Variants in GPHN observed in about 807,000 individuals in gnomAD.
GPHN encodes the protein gephyrin.
In GPHN, 17 loss-of-function variants were observed where a neutral mutation model predicts 95.5. The observed-to-expected ratio is 0.18, with a 90% CI of 0.12 to 0.27. The LOEUF (loss-of-function observed/expected upper bound fraction) is 0.27. Ranked by LOEUF, GPHN falls within the 10% of genes least tolerant of loss-of-function variation. The pLI, the probability that GPHN is intolerant of heterozygous loss-of-function variation, is 1.00. For synonymous variants in GPHN, 320 were observed against 322.5 expected (o/e 0.99, Z 0.08); for missense variants, 660 against 978.1 (o/e 0.67, Z 4.34).
chr14:66,763,214 T>G (rs1426052724), intron 2 of GPHN, among the ~76,000 whole-genome samples: 2 of 110,944 alleles, frequency 1.8e-5, no homozygotes, highest in Non-Finnish European at 3.3e-5. Context: ...AACTATTTTT[T>G]TTTTAATCTT....
At chr14:67,266,001 G>T in the GPHN span, among the ~76,000 whole-genome samples, 3 of 152,082 alleles carry the variant, frequency 2.0e-5, no homozygotes, top group African/African-American at 2.4e-5. Flanking sequence ...TAGAGACAAG[G>T]TCTCACTGTG....
chr14:66,752,289 T>G (rs1284894347), intron 2 of GPHN, among the ~76,000 whole-genome samples: 2 of 152,164 alleles, frequency 1.3e-5, no homozygotes, highest in African/African-American at 4.8e-5. Flanking sequence ...TCAAAAACTT[T>G]CCCTTTGTAT....
At chr14:66,925,735 A>G (rs147975973) in intron 8 of GPHN, among the ~76,000 whole-genome samples, 79 of 152,298 alleles carry the variant, frequency 5.2e-4, no homozygotes, top group African/African-American at 1.7e-3. Flanking sequence ...TCTCTTCAAT[A>G]TACTGATTTC....
intron 2 of GPHN, among the ~76,000 whole-genome samples, chr14:66,766,674 A>C (rs530269650): frequency 6.6e-6 from 1 of 152,134 alleles, no homozygotes; most frequent in Non-Finnish European, 1.5e-5. Flanking sequence ...ATTTGAAAAA[A>C]TACTGATTGA....
chr14:67,362,032 C>CTT, the GPHN span, among the ~76,000 whole-genome samples: 2 of 91,420 alleles, frequency 2.2e-5, no homozygotes, highest in Admixed American at 1.1e-4. Flanking sequence ...TTTCTTTTTT[C>CTT]TTTTTTTTTT....
intron 1 of GPHN, among the ~76,000 whole-genome samples, chr14:66,671,257 G>C (rs1056353865): frequency 2.0e-5 from 3 of 152,160 alleles, no homozygotes; most frequent in African/African-American, 7.2e-5. Context: ...GCGTGTCATT[G>C]CATTACAGAT....
At chr14:67,532,454 C>T in the GPHN span, among the ~76,000 whole-genome samples, 1 of 152,164 alleles carries the variant, frequency 6.6e-6, no homozygotes. Context: ...TTGAGTTTTC[C>T]AACCCCTCTG....
At chr14:67,169,668 T>G (rs1361256125) in intron 21 of GPHN, among the ~76,000 whole-genome samples, 7 of 152,388 alleles carry the variant, frequency 4.6e-5, no homozygotes, top group African/African-American at 1.4e-4. Flanking sequence ...TAATGAATAA[T>G]GTTCTTAGCA....
intron 1 of GPHN, among the ~76,000 whole-genome samples, chr14:66,642,059 T>A (rs1371350492): frequency 6.6e-6 from 1 of 152,140 alleles, no homozygotes; most frequent in Non-Finnish European, 1.5e-5. Context: ...GGTGCAAGAA[T>A]AGGCTAGTGT....
chr14:66,736,234 G>A (rs1322223882), intron 2 of GPHN, among the ~76,000 whole-genome samples: 1 of 151,364 alleles, frequency 6.6e-6, no homozygotes, highest in East Asian at 1.9e-4. Flanking sequence ...GAGTATATTT[G>A]GTAGTCTTAT....
chr14:67,075,436 C>T (rs900069049), intron 11 of GPHN, among the ~76,000 whole-genome samples: 6 of 152,124 alleles, frequency 3.9e-5, no homozygotes, highest in Admixed American at 3.9e-4. Flanking sequence ...GCTAATACAA[C>T]ATCCCCTCTG....
At chr14:66,855,526 T>C (rs1218369536) in intron 4 of GPHN, among the ~76,000 whole-genome samples, 2 of 152,182 alleles carry the variant, frequency 1.3e-5, no homozygotes, top group East Asian at 3.8e-4. Context: ...TATCCGTTCA[T>C]CTTTTGATGA....
At chr14:67,150,468 A>C (rs1214070527) in intron 18 of GPHN, among the ~76,000 whole-genome samples, 8 of 150,850 alleles carry the variant, frequency 5.3e-5, no homozygotes, top group Non-Finnish European at 1.2e-4. Context: ...AAAAAAAAAA[A>C]AAAAACATTG....
intron 4 of GPHN, among the ~76,000 whole-genome samples, chr14:66,875,014 T>C (rs930073616): frequency 6.6e-6 from 1 of 152,032 alleles, no homozygotes; most frequent in Admixed American, 6.6e-5. Context: ...GAGAGAAAGG[T>C]CAGGTTACCC....
At chr14:67,331,448 T>G in the GPHN span, among the ~76,000 whole-genome samples, 2 of 152,084 alleles carry the variant, frequency 1.3e-5, no homozygotes, top group African/African-American at 4.8e-5. Context: ...AATGATGGCG[T>G]TACAAAATGT....
At chr14:66,814,034 T>A (rs749682449) in intron 3 of GPHN, among the ~76,000 whole-genome samples, 1 of 152,190 alleles carries the variant, frequency 6.6e-6, no homozygotes, top group Non-Finnish European at 1.5e-5. Context: ...ACTTTGCTGA[T>A]GCATGTCTAC....
the GPHN span, among the ~76,000 whole-genome samples, chr14:67,452,951 C>T: frequency 1.3e-3 from 200 of 152,318 alleles, 1 homozygote; most frequent in Non-Finnish European, 2.4e-3. Context: ...GCCATGCTAC[C>T]TTCCTCAGCC....
At chr14:67,638,379 A>G in the GPHN span, among the ~76,000 whole-genome samples, 1 of 148,292 alleles carries the variant, frequency 6.7e-6, no homozygotes. Flanking sequence ...CAAAAAAAAA[A>G]GAAAAAAAAT....
At chr14:67,658,812 A>C in the GPHN span, among the ~76,000 whole-genome samples, 1 of 152,136 alleles carries the variant, frequency 6.6e-6, no homozygotes, top group Admixed American at 6.5e-5. Flanking sequence ...AATTTTAAGT[A>C]CTTCATTCTC....
Sources: allele counts gnomAD v4.1 joint callset (sites outside exome capture counted in the v4.1 genomes callset), GRCh38; gene constraint gnomAD v4.1.1; transcripts MANE v1.5; gene names NCBI Gene and HGNC (gene_info 2026-07-23, HGNC 2026-07-21).